Variants in MAGI1 observed in about 807,000 individuals in gnomAD.
MAGI1 encodes the protein membrane associated guanylate kinase, WW and PDZ domain containing 1, also known as membrane-associated guanylate kinase, WW and PDZ domain-containing protein 1.
Under a neutral mutation model 139.9 loss-of-function variants are expected in MAGI1, and 58 were observed. The ratio of observed to expected loss-of-function variants is 0.41; its 90% CI spans 0.34 to 0.52. The LOEUF is 0.52. Among genes scored for constraint, MAGI1 ranks in the 20% least tolerant of loss-of-function variants. The pLI is 0.12. For missense variants in MAGI1, 1,874 were observed against 1,901.6 expected, an observed-to-expected ratio of 0.99 and a Z score of 0.27; for synonymous variants, 812 against 737.9, an observed-to-expected ratio of 1.10 and a Z score of -1.63.
chr3:65,827,569 T>C (rs1426967015), intron 1 of MAGI1, among the ~76,000 whole-genome samples: 2 of 152,092 alleles, frequency 1.3e-5, no homozygotes, highest in Non-Finnish European at 2.9e-5. Context: ...TATACTCTGC[T>C]CCCTCCACGC....
chr3:65,723,422 C>G (rs17369326), intron 1 of MAGI1, among the ~76,000 whole-genome samples: 45,949 of 151,992 alleles, frequency 0.3, 7,482 homozygotes, highest in African/African-American at 0.38. Context: ...CAAAAGAAAG[C>G]TGACAATCTC....
chr3:65,805,103 T>A (rs910212784), intron 1 of MAGI1, among the ~76,000 whole-genome samples: 2 of 152,044 alleles, frequency 1.3e-5, no homozygotes, highest in South Asian at 2.1e-4. Flanking sequence ...CTAACTAAAC[T>A]AAAGAGTTAA....
chr3:65,621,875 T>A, intron 2 of MAGI1, 97 bp downstream of exon 2: 1 of 823,796 alleles, frequency 1.2e-6, no homozygotes, highest in Non-Finnish European at 2.0e-6. Flanking sequence ...CACCAGGTGT[T>A]CCAGAACCAG....
At chr3:65,359,229 A>G in intron 22 of MAGI1, 1 of 1,595,400 alleles carries the variant, frequency 6.3e-7, no homozygotes, top group Non-Finnish European at 8.5e-7. Context: ...TTGAACATTT[A>G]GATTCCCTAT....
At chr3:65,759,065 C>CAAAAAAAAAAAAAAAAAAAAAAA (rs200497203) in intron 1 of MAGI1, among the ~76,000 whole-genome samples, 2 of 73,070 alleles carry the variant, frequency 2.7e-5, no homozygotes, top group African/African-American at 1.1e-4. Context: ...AGGCCCAGTG[C>CAAAAAAAAAAAAAAAAAAAAAAA]AAAAAAAAAA....
intron 12 of MAGI1, among the ~76,000 whole-genome samples, chr3:65,417,984 G>A (rs893068986): frequency 1.3e-5 from 2 of 152,122 alleles, no homozygotes; most frequent in African/African-American, 4.8e-5. Flanking sequence ...TCATTGTCTG[G>A]AGATGTTTTT....
At chr3:65,842,761 T>C (rs2058851197) in intron 1 of MAGI1, among the ~76,000 whole-genome samples, 2 of 152,230 alleles carry the variant, frequency 1.3e-5, no homozygotes, top group African/African-American at 2.4e-5. Context: ...TTCTTTTTTC[T>C]AGCAAGCTTC....
intron 3 of MAGI1, among the ~76,000 whole-genome samples, chr3:65,481,995 T>C (rs1282287473): frequency 6.6e-6 from 1 of 152,226 alleles, no homozygotes; most frequent in Non-Finnish European, 1.5e-5. Flanking sequence ...TAGATAATAT[T>C]AGATTGAACC....
At chr3:65,487,301 G>T (rs1951696147) in intron 3 of MAGI1, among the ~76,000 whole-genome samples, 1 of 152,060 alleles carries the variant, frequency 6.6e-6, no homozygotes, top group Admixed American at 6.5e-5. Context: ...AAAGTGTCTT[G>T]TTCACTAGAC....
At chr3:65,577,796 T>C (rs1576371512) in intron 2 of MAGI1, among the ~76,000 whole-genome samples, 1 of 152,314 alleles carries the variant, frequency 6.6e-6, no homozygotes, top group Middle Eastern at 3.4e-3. Flanking sequence ...GCTGATGCCA[T>C]GGGAGGCTTC....
At chr3:65,703,503 T>A (rs2089760825) in intron 1 of MAGI1, among the ~76,000 whole-genome samples, 1 of 152,230 alleles carries the variant, frequency 6.6e-6, no homozygotes, top group African/African-American at 2.4e-5. Flanking sequence ...CTTCAATTGC[T>A]CTTTCTCTGC....
At chr3:65,400,763 T>C (rs1944815861) in intron 13 of MAGI1, among the ~76,000 whole-genome samples, 1 of 69,348 alleles carries the variant, frequency 1.4e-5, no homozygotes, top group South Asian at 7.2e-4. Flanking sequence ...TTTTTTTTTT[T>C]TTTTTTTTTT....
At chr3:65,757,680 T>A (rs1268926833) in intron 1 of MAGI1, among the ~76,000 whole-genome samples, 2 of 152,190 alleles carry the variant, frequency 1.3e-5, no homozygotes, top group South Asian at 4.1e-4. Context: ...ACCCTCCTAA[T>A]GACTTAAACC....
At chr3:65,500,410 G>C (rs1371641951) in intron 2 of MAGI1, among the ~76,000 whole-genome samples, 2 of 152,142 alleles carry the variant, frequency 1.3e-5, no homozygotes, top group African/African-American at 4.8e-5. Context: ...TAAAGCTTGA[G>C]TGGCTATCTG....
At position 65,381,889 on chromosome 3, in the gene MAGI1, C is replaced by G; in HGVS notation, c.2689G>C (p.Val897Leu). The change falls in exon 16 of 23, where the codon GTG becomes CTG. Residue 897 changes from valine (V) to leucine (L), a missense_variant. By Grantham distance (32) the Val-to-Leu change is conservative. Around this residue, in one of 5 missense-constraint regions of MAGI1, gnomAD observed 482 missense variants for 509.6 expected, o/e 0.95. Transcript: ENST00000402939. ...ATGAAATACATACCCGCAAAAACCACTTTACGCCGCACCGTGAGATTGACG... is the reference window on the plus strand; with the variant it reads ...ATGAAATACATACCCGCAAAAACCAGTTTACGCCGCACCGTGAGATTGACG... ...GHVNLTVRRKVVFAVPKTENE... is the reference protein window; with the variant it reads ...GHVNLTVRRKLVFAVPKTENE... 1 of 1,611,740 alleles carries G rather than the reference C, an allele frequency of 6.2e-7. No individual in the cohort carries two copies. Among genetic ancestry groups the G allele is most frequent in the Non-Finnish European group, 8.5e-7 (1 of 1,178,940 alleles).
chr3:65,609,859 G>A lies in MAGI1; in HGVS notation c.430+12113C>T, dbSNP rs1388789617. 4 of 225,168 alleles carry A rather than the reference G, an allele frequency of 1.8e-5. No homozygotes were observed. The South Asian group carries it at 1.9e-4, about 11-fold the overall frequency. The allele number at this position is 225,168 out of a possible 1,614,324, so 13.9% of individuals were successfully genotyped here. A position where few individuals can be genotyped will look rare whatever the true frequency, so the allele number is the denominator to read the frequency against. The stretch of plus-strand genomic sequence containing the variant: ...CCCAAAGTGTTGGGATTATAGGCTT[G>A]AGCCATCACGCCCTGCTTCCTTCAG... On this transcript the variant is annotated intron_variant, in intron 2 of 22. Coordinates refer to ENST00000402939, the MANE Select transcript of MAGI1 (RefSeq NM_001033057.2).
intron 1 of MAGI1, among the ~76,000 whole-genome samples, chr3:65,679,165 A>C (rs1338216516): frequency 6.6e-6 from 1 of 152,166 alleles, no homozygotes; most frequent in Non-Finnish European, 1.5e-5. Flanking sequence ...GCTCAAAAAA[A>C]AACAAAATAA....
At chr3:65,724,671 A>T (rs1019023976) in intron 1 of MAGI1, among the ~76,000 whole-genome samples, 2 of 152,204 alleles carry the variant, frequency 1.3e-5, no homozygotes, top group Non-Finnish European at 2.9e-5. Context: ...GGTAATTTAC[A>T]AAGGAAAGAG....
At chr3:65,668,215 G>GT (rs2086644848) in intron 1 of MAGI1, among the ~76,000 whole-genome samples, 1 of 152,148 alleles carries the variant, frequency 6.6e-6, no homozygotes, top group Non-Finnish European at 1.5e-5. Context: ...AAGGGTTGAC[G>GT]TGAGGTTTAA....
Sources: allele counts gnomAD v4.1 joint callset (sites outside exome capture counted in the v4.1 genomes callset), GRCh38; gene constraint gnomAD v4.1.1; regional missense constraint gnomAD v4.1.1; transcripts MANE v1.5; gene names NCBI Gene and HGNC (gene_info 2026-07-23, HGNC 2026-07-21).